Variants in IGSF9B observed in about 807,000 individuals in gnomAD.
The protein encoded by IGSF9B is immunoglobulin superfamily member 9B, also known as protein turtle homolog B.
Under a neutral mutation model 143.7 loss-of-function variants are expected in IGSF9B, and 48 were observed. The observed-to-expected ratio is 0.33, with a 90% confidence interval of 0.26 to 0.42. IGSF9B has a LOEUF of 0.42. Ranked by LOEUF, IGSF9B falls within the 20% of genes least tolerant of loss-of-function variation. IGSF9B has a pLI of 1.00. For missense variants in IGSF9B, 1,706 were observed against 1,980.0 expected, an observed-to-expected ratio of 0.86 and a Z score of 2.63; for synonymous variants, 903 against 833.1, an observed-to-expected ratio of 1.08 and a Z score of -1.44.
In IGSF9B at chr11:133,914,827, C is replaced by T. The variant is rs984468622; in HGVS notation, c.3984-2820G>A. On this transcript the variant is annotated intron_variant, in intron 18 of 19. Transcript: ENST00000533871. ...ATAGAATGTGACCTAACAGACTTTA[C>T]CAACAGCACGTAAAGCCCTGTGCAA... Among the ~76,000 whole-genome samples the T allele has an allele frequency of 4.6e-5, 7 of 152,196 alleles. 1 individual carries two copies. Among genetic ancestry groups the T allele is most frequent in the Admixed American group, 4.6e-4 (7 of 15,284 alleles).
chr11:133,949,825 T>TC (rs1200301783), intron 1 of IGSF9B, among the ~76,000 whole-genome samples: 1 of 151,160 alleles, frequency 6.6e-6, no homozygotes, highest in East Asian at 2.0e-4. Context: ...GGGGCCAGGC[T>TC]CCCCCCTCAA....
chr11:133,919,129 T>TGGGGGGGG (rs756305133), intron 18 of IGSF9B: 42 of 175,896 alleles, frequency 2.4e-4, no homozygotes, highest in South Asian at 5.7e-4. Flanking sequence ...GGGGGGGGGG[T>TGGGGGGGG]GGGGGACGTG....
chr11:133,911,822 T>C, intron 19 of IGSF9B, 64 bp downstream of exon 19: 2 of 1,431,866 alleles, frequency 1.4e-6, no homozygotes, highest in Non-Finnish European at 1.8e-6. Flanking sequence ...GGCAGCCCAA[T>C]AACCCTCCTG....
chr11:133,954,589 C>G lies in IGSF9B; in HGVS notation c.64+2102G>C, dbSNP rs556358343. 6.3e-4 allele frequency among the ~76,000 whole-genome samples: 96 copies of G among 152,314 alleles called. 2 individuals are homozygous for G. The South Asian group carries it at 0.02, about 31-fold the overall frequency. ...GTAGTTGTTTTGTTTCCTTATAACA[C>G]TCATGTCCACCTAAAAACCCTAAAA... On this transcript the variant is annotated intron_variant, in intron 1 of 19. Transcript: ENST00000533871.
At chr11:133,950,925 T>C (rs1940146782) in intron 1 of IGSF9B, among the ~76,000 whole-genome samples, 1 of 152,006 alleles carries the variant, frequency 6.6e-6, no homozygotes, top group Admixed American at 6.5e-5. Context: ...CACAGGCCTG[T>C]TGTCTAATAA....
At chr11:133,937,542 G>T in intron 4 of IGSF9B, 49 bp from the exon 5 acceptor site, 1 of 1,423,992 alleles carries the variant, frequency 7.0e-7, no homozygotes, top group Non-Finnish European at 9.9e-7. Flanking sequence ...CACACCCACC[G>T]CTGCTACCCT....
chr11:133,942,511 G>A (rs1289685932), intron 3 of IGSF9B, among the ~76,000 whole-genome samples: 1 of 152,178 alleles, frequency 6.6e-6, no homozygotes, highest in African/African-American at 2.4e-5. Context: ...CTACTTTCCA[G>A]TCATACGCAC....
intron 18 of IGSF9B, among the ~76,000 whole-genome samples, chr11:133,917,102 TA>T (rs1304750074): frequency 1.3e-5 from 2 of 152,012 alleles, no homozygotes. Flanking sequence ...TTGACATCTC[TA>T]GGGGGGGAAG....
chr11:133,918,920 G>T, intron 18 of IGSF9B: 1 of 459,222 alleles, frequency 2.2e-6, no homozygotes, highest in South Asian at 1.6e-5. Context: ...GAGAGAGAAA[G>T]ACTGACTGGA....
Position 133,948,617 on chromosome 11 carries a change from C to CTGTGTGTG in IGSF9B, c.65-2367_65-2360dup, listed in dbSNP as rs59414581. ...TGGGTGCCATGAGTTTGCAGAGAAG[C>CTGTGTGTG]TGTGTGTGTGTGTGTGTGTGTGTGT... is the stretch of plus-strand genomic sequence containing the variant. On this transcript the variant is annotated intron_variant, in intron 1 of 19. Coordinates refer to ENST00000533871, the MANE Select transcript of IGSF9B (RefSeq NM_001277285.4). This position sits in a 1 kb window ranked among gnomAD's most constrained non-coding sequence, Gnocchi z 4.7. Among the ~76,000 whole-genome samples, 38 of 141,000 alleles carry CTGTGTGTG rather than the reference C, an allele frequency of 2.7e-4. 1 individual carries two copies. The highest frequency in any genetic ancestry group is 7.8e-4 in the African/African-American group (29 of 37,412). 92.5% of individuals were successfully genotyped at this position (141,000 alleles called of 152,430 possible).
In IGSF9B at chr11:133,908,953, G is replaced by A; in HGVS notation, c.*116C>T. The A allele has an allele frequency of 1.2e-6, 1 of 859,782 alleles. No homozygotes were observed. The highest frequency in any genetic ancestry group is 2.7e-5 in the East Asian group (1 of 37,310). The allele number at this position is 859,782 out of a possible 1,614,324, so 53.3% of individuals were successfully genotyped here. A position where few individuals can be genotyped will look rare whatever the true frequency, so the allele number is the denominator to read the frequency against. On this transcript the variant is annotated 3_prime_UTR_variant, in exon 20 of 20. Coordinates refer to ENST00000533871, the MANE Select transcript of IGSF9B (RefSeq NM_001277285.4). ...CCCGCTCTGGCAAAAGAGGGGGCAT[G>A]CAGGACAAAGGTCTGGGCCGCCCTT...
In IGSF9B at chr11:133,906,710, C is replaced by A. The variant is rs373627542; in HGVS notation, c.*2359G>T. Among the ~76,000 whole-genome samples, 90 of 152,306 alleles carry A rather than the reference C, an allele frequency of 5.9e-4. 3 individuals are homozygous for A. The South Asian group carries it at 0.018, about 31-fold the overall frequency. ...TTTCTAACCTGAGGGCTGGAATTCC[C>A]AGGAGGGTGCTCAGAAAAGTAGGCC... On this transcript the variant is annotated 3_prime_UTR_variant, in exon 20 of 20. Transcript: ENST00000533871.
rs1022121556 is a variant in IGSF9B, at chr11:133,928,100, C to A, written c.1632-1009G>T. Among the ~76,000 whole-genome samples the A allele has an allele frequency of 6.6e-6, 1 of 152,128 alleles. No homozygotes were observed. Among genetic ancestry groups the A allele is most frequent in the Non-Finnish European group, 1.5e-5 (1 of 68,032 alleles). On this transcript the variant is annotated intron_variant, in intron 12 of 19. Transcript: ENST00000533871. This position sits in a 1 kb window ranked among gnomAD's most constrained non-coding sequence, Gnocchi z 4.7. The stretch of plus-strand genomic sequence containing the variant: ...GATGAGCAGCAGCGTGGAGCAGCAG[C>A]GTGAAGCAGCACCGCAAGCAGCAGG...
rs564041171 is a variant in IGSF9B at position 133,921,501 on chromosome 11, G to A, written c.2328-104C>T. ...ACCACCCAGCACCCAGGATCCTCAC[G>A]CTCAAGAAAACTGGCTGTGTATCGT... On this transcript the variant is annotated intron_variant, in intron 17 of 19. Transcript: ENST00000533871. The A allele has an allele frequency of 8.0e-6, 7 of 874,070 alleles. No individual in the cohort carries two copies. The Admixed American group carries it at 9.0e-5, about 11-fold the overall frequency. The allele number at this position is 874,070 out of a possible 1,614,324, so 54.1% of individuals were successfully genotyped here.
rs371652510 is a variant in IGSF9B, at chr11:133,924,874, C to T, written c.2065G>A (p.Val689Ile). The T allele has an allele frequency of 3.4e-4, 549 of 1,613,638 alleles. No individual in the cohort carries two copies. Among genetic ancestry groups the T allele is most frequent in the Non-Finnish European group, 4.3e-4 (511 of 1,179,894 alleles). ...DTWYEFRVLA[V>I]MQDLISEPSN... is the part of the protein sequence containing the mutation. ...GGCTCGCTGATCAGATCCTGCATGA[C>T]GGCCAGAACCCGGAACTCATACCAC... Residue 689 changes from valine to isoleucine, a missense_variant, in exon 15 of 20, where the codon GTC (valine) becomes ATC (isoleucine). Around this residue, in one of 7 missense-constraint regions of IGSF9B, gnomAD observed 267 missense variants for 321.1 expected, o/e 0.83. Transcript: ENST00000533871.
In IGSF9B at chr11:133,900,921, A is replaced by C. The variant is rs937081175; in HGVS notation, c.*8148T>G. ...TACAAACCAAGACAGGTGTCACCGTAGGTCCCTAGGTAGTCTCAACCACCC... is the reference window on the plus strand; with the variant it reads ...TACAAACCAAGACAGGTGTCACCGTCGGTCCCTAGGTAGTCTCAACCACCC... On this transcript the variant is annotated 3_prime_UTR_variant, in exon 20 of 20. Transcript: ENST00000533871. The C allele has an allele frequency of 1.3e-5, 2 of 152,226 alleles. No homozygotes were observed. Among genetic ancestry groups the C allele is most frequent in the Admixed American group, 1.3e-4 (2 of 15,276 alleles). The allele number at this position is 152,226 out of a possible 1,614,324, so 9.4% of individuals were successfully genotyped here. A position where few individuals can be genotyped will look rare whatever the true frequency, so the allele number is the denominator to read the frequency against.
intron 14 of IGSF9B, 59 bp downstream of exon 14, chr11:133,925,680 T>C (rs147342153): frequency 6.9e-7 from 1 of 1,458,682 alleles, no homozygotes; most frequent in East Asian, 2.4e-5. Flanking sequence ...CCAGTGCCTC[T>C]AGAGTCTTGT....
In IGSF9B at chr11:133,901,879, C is replaced by CA. The variant is rs1565409511; in HGVS notation, c.*7189dup. Among the ~76,000 whole-genome samples the CA allele has an allele frequency of 4.2e-5, 6 of 141,780 alleles. No homozygotes were observed. Among genetic ancestry groups the CA allele is most frequent in the Admixed American group, 4.2e-4 (6 of 14,216 alleles). 93.0% of individuals were successfully genotyped at this position (141,780 alleles called of 152,430 possible). A position where few individuals can be genotyped will look rare whatever the true frequency, so the allele number is the denominator to read the frequency against. On this transcript the variant is annotated 3_prime_UTR_variant, in exon 20 of 20. Transcript: ENST00000533871. The stretch of plus-strand genomic sequence containing the variant: ...CCACACACGCACCACACACGCACCA[C>CA]ACACACACACAACACACACACAACA...
chr11:133,949,979 T>A (rs1183423897), intron 1 of IGSF9B, among the ~76,000 whole-genome samples: 2 of 152,178 alleles, frequency 1.3e-5, no homozygotes, highest in African/African-American at 4.8e-5. Flanking sequence ...TTGGAGCAGT[T>A]ATGGCGGGGA....
Sources: allele counts gnomAD v4.1 joint callset (sites outside exome capture counted in the v4.1 genomes callset), GRCh38; gene constraint gnomAD v4.1.1; regional missense constraint gnomAD v4.1.1; non-coding constraint Gnocchi (gnomAD v3.1); transcripts MANE v1.5; gene names NCBI Gene and HGNC (gene_info 2026-07-23, HGNC 2026-07-21).